Variants in PTPRJ observed in about 807,000 individuals in gnomAD.
The protein encoded by PTPRJ is protein tyrosine phosphatase receptor type J.
PTPRJ carries 129 observed loss-of-function variants against 141.3 expected under a neutral mutation model. The observed-to-expected ratio is 0.91, with a 90% CI of 0.79 to 1.06. The LOEUF (loss-of-function observed/expected upper bound fraction) is 1.06, where lower values mean the gene tolerates loss of function less well. PTPRJ is among the 50% of genes least tolerant of loss of function. PTPRJ has a pLI of 0.00. For missense variants in PTPRJ, 1,601 were observed against 1,679.7 expected (o/e 0.95, Z 0.82); for synonymous variants, 610 against 640.5 (o/e 0.95, Z 0.72).
chr11:48,136,212 A>G lies in PTPRJ; in HGVS notation c.1789A>G (p.Ile597Val), dbSNP rs776909717. ...CAAAGCGATTACTCTCCAGGGCCTG[A>G]TTCCGGGCACCTTATATAACATCAC... ...YDKAITLQGL[I>V]PGTLYNITIS... is the part of the protein sequence containing the mutation. Residue 597 changes from isoleucine (I) to valine (V), a missense_variant, in exon 9 of 25, where the codon ATT (isoleucine) becomes GTT (valine). Transcript: ENST00000418331. The G allele has an allele frequency of 2.5e-6, 4 of 1,614,234 alleles. No individual in the cohort carries two copies. The Admixed American group carries it at 6.7e-5, about 27-fold the overall frequency.
intron 1 of PTPRJ, among the ~76,000 whole-genome samples, chr11:48,105,049 G>T (rs1856251952): frequency 6.6e-6 from 1 of 152,138 alleles, no homozygotes; most frequent in South Asian, 2.1e-4. Context: ...CTTGCGACTG[G>T]ACGGTAGCAA....
chr11:48,035,459 C>T (rs146248912), intron 1 of PTPRJ, among the ~76,000 whole-genome samples: 8 of 151,576 alleles, frequency 5.3e-5, no homozygotes, highest in South Asian at 2.1e-4. Flanking sequence ...GGTGAGCCCC[C>T]GGGATGATGG....
At chr11:48,044,018 C>T (rs547987285) in intron 1 of PTPRJ, among the ~76,000 whole-genome samples, 1 of 152,182 alleles carries the variant, frequency 6.6e-6, no homozygotes, top group African/African-American at 2.4e-5. Context: ...GTTGCTTTGA[C>T]ACTCTAGGAT....
intron 1 of PTPRJ, among the ~76,000 whole-genome samples, chr11:48,057,235 A>C (rs141654510): frequency 1.6e-4 from 24 of 152,328 alleles, no homozygotes; most frequent in African/African-American, 5.3e-4. Context: ...TTTGCTAATT[A>C]ACTGACTGTG....
chr11:48,074,012 C>A (rs1365540415), intron 1 of PTPRJ, among the ~76,000 whole-genome samples: 1 of 152,152 alleles, frequency 6.6e-6, no homozygotes, highest in Non-Finnish European at 1.5e-5. Flanking sequence ...CAGGATCTTA[C>A]TCTGTCACCC....
At chr11:48,099,365 A>G (rs1856095715) in intron 1 of PTPRJ, among the ~76,000 whole-genome samples, 1 of 152,236 alleles carries the variant, frequency 6.6e-6, no homozygotes, top group South Asian at 2.1e-4. Flanking sequence ...TATGTAAAAT[A>G]TACATTTAAC....
chr11:48,057,549 C>T (rs1356276122), intron 1 of PTPRJ, among the ~76,000 whole-genome samples: 1 of 152,112 alleles, frequency 6.6e-6, no homozygotes, highest in African/African-American at 2.4e-5. Flanking sequence ...GAGGCCTTCT[C>T]ACGTGGGTCG....
At chr11:48,038,946 C>T (rs1218543745) in intron 1 of PTPRJ, among the ~76,000 whole-genome samples, 5 of 150,272 alleles carry the variant, frequency 3.3e-5, no homozygotes, top group South Asian at 2.1e-4. Context: ...GTCAGGAGTT[C>T]GAGACCAGCC....
chr11:48,005,013 G>A (rs183285958), intron 1 of PTPRJ, among the ~76,000 whole-genome samples: 105 of 152,208 alleles, frequency 6.9e-4, no homozygotes, highest in African/African-American at 2.3e-3. Context: ...CTTGAGGTCA[G>A]GAGTTCAAGA....
intron 1 of PTPRJ, among the ~76,000 whole-genome samples, chr11:48,084,005 A>G (rs1219674089): frequency 1.3e-5 from 2 of 152,256 alleles, no homozygotes; most frequent in Non-Finnish European, 2.9e-5. Flanking sequence ...CCACAAAGCC[A>G]TGCAGGGTAA....
Position 48,068,758 on chromosome 11 carries a change from C to T in PTPRJ, c.97-41300C>T, listed in dbSNP as rs117204894. 1.1e-3 allele frequency among the ~76,000 whole-genome samples: 167 copies of T among 152,322 alleles called. 2 individuals are homozygous for T. In the East Asian group the frequency reaches 0.028, roughly 25 times the overall value. ...GATGGTCCATGCACGGAATCTGGCC[C>T]TGCCCTTACTTTCTCCAGGAGCATG... On this transcript the variant is annotated intron_variant, in intron 1 of 24. Coordinates refer to ENST00000418331, the MANE Select transcript of PTPRJ (RefSeq NM_002843.4).
intron 1 of PTPRJ, among the ~76,000 whole-genome samples, chr11:48,077,611 A>G (rs1163179173): frequency 1.8e-4 from 27 of 151,806 alleles, no homozygotes; most frequent in Non-Finnish European, 1.3e-4. Context: ...CTGATCCAAT[A>G]TCCTGCCACC....
Position 48,110,022 on chromosome 11 carries a change from G to A in PTPRJ, c.97-36G>A, listed in dbSNP as rs530162274. 282 of 1,612,646 alleles carry A rather than the reference G, an allele frequency of 1.7e-4. 2 individuals carry two copies. Among genetic ancestry groups the A allele is most frequent in the South Asian group, 1.7e-3 (159 of 91,024 alleles). ...TGATTTGCATTTTCCATGGCTGAATGAATCTGCTGACTTCCGTTTTCTTTT... is the reference window on the plus strand; with the variant it reads ...TGATTTGCATTTTCCATGGCTGAATAAATCTGCTGACTTCCGTTTTCTTTT... On this transcript the variant is annotated intron_variant, in intron 1 of 24. Coordinates refer to ENST00000418331, the MANE Select transcript of PTPRJ (RefSeq NM_002843.4).
intron 1 of PTPRJ, among the ~76,000 whole-genome samples, chr11:48,106,666 T>G (rs1856294012): frequency 6.6e-6 from 1 of 151,932 alleles, no homozygotes; most frequent in Non-Finnish European, 1.5e-5. Flanking sequence ...TGTAGAGGAG[T>G]TGGGGAAAAT....
intron 1 of PTPRJ, among the ~76,000 whole-genome samples, chr11:48,013,190 T>TA (rs974237861): frequency 6.6e-6 from 1 of 151,946 alleles, no homozygotes; most frequent in African/African-American, 2.4e-5. Flanking sequence ...CAGGTGATGT[T>TA]AAATTCCATT....
intron 1 of PTPRJ, among the ~76,000 whole-genome samples, chr11:48,109,329 A>G (rs566139214): frequency 6.6e-6 from 1 of 152,322 alleles, no homozygotes; most frequent in Admixed American, 6.5e-5. Context: ...TTGTGAAACA[A>G]TAGAGTGTAC....
At chr11:47,983,028 CA>C (rs1457635782) in intron 1 of PTPRJ, among the ~76,000 whole-genome samples, 1 of 152,076 alleles carries the variant, frequency 6.6e-6, no homozygotes, top group Non-Finnish European at 1.5e-5. Flanking sequence ...TGAGCTGGAC[CA>C]GACTTTCAAG....
In PTPRJ at chr11:48,056,513, G is replaced by A. The variant is rs117820469; in HGVS notation, c.97-53545G>A. On this transcript the variant is annotated intron_variant, in intron 1 of 24. Coordinates refer to ENST00000418331, the MANE Select transcript of PTPRJ (RefSeq NM_002843.4). ...TTAACTATTAGAGCGGCAGTTTGGC[G>A]TGGCACTAATAATGATGATGGTGAC... 3.7e-3 allele frequency among the ~76,000 whole-genome samples: 565 copies of A among 152,304 alleles called. 30 individuals are homozygous for A. The East Asian group carries it at 0.093, about 25-fold the overall frequency.
chr11:48,072,431 A>G (rs925139821), intron 1 of PTPRJ, among the ~76,000 whole-genome samples: 2 of 152,174 alleles, frequency 1.3e-5, no homozygotes, highest in Admixed American at 6.5e-5. Context: ...CTGAGATCCC[A>G]TCTGTTAATA....
Sources: gnomAD v4.1 joint callset for allele counts (sites outside exome capture counted in the v4.1 genomes callset) on GRCh38, gnomAD v4.1.1 for gene constraint, MANE v1.5 for transcripts, NCBI Gene and HGNC (gene_info 2026-07-23, HGNC 2026-07-21) for gene names.